The following SPAG17 variants were observed in gnomAD, a reference collection of about 807,000 sequenced individuals.
SPAG17 encodes sperm associated antigen 17.
A neutral mutation model predicts 273.6 loss-of-function variants in SPAG17; 169 were observed. The ratio of observed to expected loss-of-function variants is 0.62; its 90% CI spans 0.55 to 0.70. The LOEUF (loss-of-function observed/expected upper bound fraction) is 0.70, where lower values mean the gene tolerates loss of function less well. Ranked by LOEUF, SPAG17 falls within the 30% of genes least tolerant of loss-of-function variation. The pLI, the probability that SPAG17 is intolerant of heterozygous loss-of-function variation, is 0.00. For synonymous variants in SPAG17, 825 were observed against 873.2 expected (o/e 0.94, Z 0.97); for missense variants, 2,557 against 2,627.8 (o/e 0.97, Z 0.59).
rs56029752 is a variant in SPAG17 at position 118,062,366 on chromosome 1, C to CAAAAAAAAAAAAA, written c.2540+4366_2540+4378dup. ...TGGGCGACAGAGCGAGACTCCATCT[C>CAAAAAAAAAAAAA]AAAAAAAAAAAAAAAAAAAAATTAA... On this transcript the variant is annotated intron_variant, in intron 18 of 48. Coordinates refer to ENST00000336338, the MANE Select transcript of SPAG17 (RefSeq NM_206996.4). Among the ~76,000 whole-genome samples, 234 of 46,326 alleles carry CAAAAAAAAAAAAA rather than the reference C, an allele frequency of 5.1e-3. 21 individuals are homozygous for CAAAAAAAAAAAAA. The highest frequency in any genetic ancestry group is 0.02 in the African/African-American group (184 of 9,102). The allele number at this position is 46,326 out of a possible 152,430, so 30.4% of individuals were successfully genotyped here. A position where few individuals can be genotyped will look rare whatever the true frequency, so the allele number is the denominator to read the frequency against.
chr1:118,085,193 C>CT (rs112708602), intron 13 of SPAG17, among the ~76,000 whole-genome samples: 6 of 151,568 alleles, frequency 4.0e-5, no homozygotes, highest in South Asian at 2.1e-4. Flanking sequence ...CGATCCTCTT[C>CT]TTTTTTTTTC....
chr1:117,983,276 C>T (rs1656036953), intron 42 of SPAG17, among the ~76,000 whole-genome samples: 1 of 152,168 alleles, frequency 6.6e-6, no homozygotes, highest in Non-Finnish European at 1.5e-5. Flanking sequence ...CCCCATGATT[C>T]AATTACCTCC....
chr1:117,969,696 G>C (rs1035223780), intron 46 of SPAG17, among the ~76,000 whole-genome samples: 6 of 152,022 alleles, frequency 3.9e-5, no homozygotes, highest in Non-Finnish European at 8.8e-5. Context: ...TATGAAGAAC[G>C]GAATAATTAT....
chr1:118,051,699 T>G (rs954577281), intron 20 of SPAG17, among the ~76,000 whole-genome samples: 1 of 133,844 alleles, frequency 7.5e-6, no homozygotes, highest in Non-Finnish European at 1.7e-5. Context: ...ATAGTATGTA[T>G]AGTTATAATA....
chr1:118,147,762 G>C (rs981715826), intron 3 of SPAG17, among the ~76,000 whole-genome samples: 1 of 152,206 alleles, frequency 6.6e-6, no homozygotes, highest in African/African-American at 2.4e-5. Context: ...GAAAACTTGA[G>C]CAAATCACTT....
chr1:118,123,330 C>T (rs1657526930), intron 3 of SPAG17, among the ~76,000 whole-genome samples: 1 of 151,906 alleles, frequency 6.6e-6, no homozygotes, highest in Non-Finnish European at 1.5e-5. Context: ...ATTGGAAAAA[C>T]AGCTGAAAGG....
intron 48 of SPAG17, chr1:117,957,134 C>T (rs764543878): frequency 6.8e-6 from 11 of 1,612,576 alleles, no homozygotes; most frequent in East Asian, 6.7e-5. Context: ...AACTCTTTAA[C>T]GAATTCATTC....
intron 28 of SPAG17, among the ~76,000 whole-genome samples, chr1:118,020,589 T>C (rs1169199923): frequency 1.3e-5 from 2 of 152,128 alleles, no homozygotes; most frequent in Non-Finnish European, 2.9e-5. Flanking sequence ...AAAAAAGACA[T>C]ATTTATTTCA....
chr1:118,038,523 T>C (rs1649353537), intron 23 of SPAG17, among the ~76,000 whole-genome samples: 3 of 152,174 alleles, frequency 2.0e-5, no homozygotes, highest in Non-Finnish European at 2.9e-5. Context: ...GCAACCAAGA[T>C]GTCCTTCAGT....
At chr1:117,967,709 T>G (rs543929408) in intron 46 of SPAG17, among the ~76,000 whole-genome samples, 2 of 152,266 alleles carry the variant, frequency 1.3e-5, no homozygotes, top group South Asian at 4.1e-4. Flanking sequence ...AGAAACCTGA[T>G]ACAGAAGGAA....
intron 3 of SPAG17, among the ~76,000 whole-genome samples, chr1:118,143,007 G>A (rs1658765083): frequency 6.6e-6 from 1 of 152,020 alleles, no homozygotes. Flanking sequence ...AAAAGACATG[G>A]TCACTTAACC....
At chr1:117,981,161 C>A (rs562441666) in intron 43 of SPAG17, 109 bp downstream of exon 43, 26 of 1,235,094 alleles carry the variant, frequency 2.1e-5, no homozygotes, top group Admixed American at 2.9e-5. Context: ...GTGACCCTCT[C>A]GATTTTTTTC....
chr1:117,975,086 T>G (rs1571114858), intron 43 of SPAG17, among the ~76,000 whole-genome samples: 2 of 152,154 alleles, frequency 1.3e-5, no homozygotes, highest in South Asian at 4.1e-4. Flanking sequence ...GCATACTAGG[T>G]TATGGATCTG....
intron 3 of SPAG17, among the ~76,000 whole-genome samples, chr1:118,143,530 TC>T (rs1441377735): frequency 6.6e-6 from 1 of 151,458 alleles, no homozygotes; most frequent in Admixed American, 6.6e-5. Flanking sequence ...ACGCTCCTGT[TC>T]CCCACAAAAA....
intron 1 of SPAG17, among the ~76,000 whole-genome samples, chr1:118,177,450 G>C (rs1270224050): frequency 1.3e-5 from 2 of 151,906 alleles, no homozygotes; most frequent in Admixed American, 1.3e-4. Flanking sequence ...GGGATTATGG[G>C]GATTACAATT....
chr1:118,177,002 G>T (rs1660725846), intron 1 of SPAG17, among the ~76,000 whole-genome samples: 1 of 151,960 alleles, frequency 6.6e-6, no homozygotes, highest in Non-Finnish European at 1.5e-5. Context: ...TGAAACAAAT[G>T]AAAATGGAAA....
In SPAG17 at chr1:117,973,301, A is replaced by G. The variant is rs912974258; in HGVS notation, c.6141+124T>C. The G allele has an allele frequency of 1.6e-4, 210 of 1,300,258 alleles. 2 individuals carry two copies. The highest frequency in any genetic ancestry group is 2.0e-5 in the Non-Finnish European group (19 of 943,394). 80.5% of individuals were successfully genotyped at this position (1,300,258 alleles called of 1,614,324 possible). On this transcript the variant is annotated intron_variant, in intron 44 of 48. Coordinates refer to ENST00000336338, the MANE Select transcript of SPAG17 (RefSeq NM_206996.4). ...AGCAGTACACAGTGGCCGGAAACTAATAACTTCAATGAATCAGAATTACAT... is the reference window on the plus strand; with the variant it reads ...AGCAGTACACAGTGGCCGGAAACTAGTAACTTCAATGAATCAGAATTACAT...
intron 18 of SPAG17, among the ~76,000 whole-genome samples, chr1:118,063,338 T>C (rs940950704): frequency 6.6e-6 from 1 of 152,150 alleles, no homozygotes; most frequent in Non-Finnish European, 1.5e-5. Flanking sequence ...CAAACTATAC[T>C]ACAAGGCTAC....
chr1:118,039,227 T>G (rs1209227097), intron 23 of SPAG17, 65 bp downstream of exon 23: 1 of 1,496,360 alleles, frequency 6.7e-7, no homozygotes, highest in Non-Finnish European at 9.1e-7. Context: ...ATTCATTTAA[T>G]GGAGTGGAGT....
Sources: allele counts gnomAD v4.1 joint callset (sites outside exome capture counted in the v4.1 genomes callset), GRCh38; gene constraint gnomAD v4.1.1; transcripts MANE v1.5; gene names NCBI Gene and HGNC (gene_info 2026-07-23, HGNC 2026-07-21).